CDK13: variants seen among roughly 807,000 people sequenced by gnomAD.
The protein encoded by CDK13 is cyclin dependent kinase 13.
CDK13 carries 40 observed loss-of-function variants against 137.6 expected under a neutral mutation model. The ratio of observed to expected loss-of-function variants is 0.29; its 90% CI spans 0.23 to 0.38. The LOEUF (loss-of-function observed/expected upper bound fraction) is 0.38. Ranked by LOEUF, CDK13 falls within the 10% of genes least tolerant of loss-of-function variation. The pLI, the probability that CDK13 is intolerant of heterozygous loss-of-function variation, is 1.00. For missense variants in CDK13, 1,704 were observed against 1,951.8 expected (o/e 0.87, Z 2.39); for synonymous variants, 869 against 760.1 (o/e 1.14, Z -2.36).
intron 13 of CDK13, among the ~76,000 whole-genome samples, chr7:40,093,920 A>AG (rs1201677914): frequency 7.1e-6 from 1 of 141,690 alleles, no homozygotes. Flanking sequence ...AAAAAAAAAA[A>AG]AAATTTTTTT....
chr7:40,044,329 T>TC (rs921325589), intron 5 of CDK13, among the ~76,000 whole-genome samples: 4 of 151,446 alleles, frequency 2.6e-5, no homozygotes, highest in African/African-American at 9.8e-5. Context: ...TTTTTTTTTT[T>TC]CTTCTTTGAG....
chr7:39,974,753 AG>A (rs1784071031), intron 1 of CDK13, among the ~76,000 whole-genome samples: 1 of 151,938 alleles, frequency 6.6e-6, no homozygotes, highest in Non-Finnish European at 1.5e-5. Flanking sequence ...TAGTAGAAAC[AG>A]GGTTTTGCCA....
intron 7 of CDK13, among the ~76,000 whole-genome samples, chr7:40,053,900 A>G (rs1785952249): frequency 4.6e-5 from 7 of 152,144 alleles, no homozygotes; most frequent in Admixed American, 4.6e-4. Context: ...TATCATTCTT[A>G]TGTACATTTT....
At chr7:40,057,540 G>A (rs1786047677) in intron 7 of CDK13, among the ~76,000 whole-genome samples, 1 of 152,188 alleles carries the variant, frequency 6.6e-6, no homozygotes, top group African/African-American at 2.4e-5. Context: ...CAGTGAGGAT[G>A]GGAAATGTAG....
chr7:40,036,344 C>G (rs1210625896), intron 5 of CDK13, among the ~76,000 whole-genome samples: 2 of 151,916 alleles, frequency 1.3e-5, no homozygotes, highest in Non-Finnish European at 2.9e-5. Context: ...ATTCAAACAT[C>G]TAAAAGTAGA....
intron 9 of CDK13, among the ~76,000 whole-genome samples, chr7:40,065,938 C>G (rs1196406356): frequency 6.6e-6 from 1 of 152,124 alleles, no homozygotes; most frequent in Non-Finnish European, 1.5e-5. Context: ...CCTGTAATCT[C>G]CGCATTTGGG....
At chr7:39,956,621 C>G (rs1051083222) in intron 1 of CDK13, among the ~76,000 whole-genome samples, 1 of 152,164 alleles carries the variant, frequency 6.6e-6, no homozygotes, top group Admixed American at 6.5e-5. Context: ...GTCTAGGTCA[C>G]TTGCCCACCC....
At chr7:39,992,068 T>TACACACACAC (rs1784465338) in intron 2 of CDK13, among the ~76,000 whole-genome samples, 1 of 87,440 alleles carries the variant, frequency 1.1e-5, no homozygotes, top group Admixed American at 1.4e-4. Context: ...AGGAAAAAAT[T>TACACACACAC]ATACACACAC....
At chr7:39,966,657 G>T (rs1240258855) in intron 1 of CDK13, among the ~76,000 whole-genome samples, 1 of 152,198 alleles carries the variant, frequency 6.6e-6, no homozygotes, top group East Asian at 1.9e-4. Context: ...TGCTGGTGAG[G>T]AGCTGCGTTC....
intron 11 of CDK13, 37 bp downstream of exon 11, chr7:40,078,888 T>C: frequency 1.4e-6 from 1 of 729,996 alleles, no homozygotes; most frequent in Non-Finnish European, 1.8e-6. Flanking sequence ...TTATATATTA[T>C]TATTATATTT....
intron 1 of CDK13, among the ~76,000 whole-genome samples, chr7:39,981,915 C>T (rs1056112641): frequency 6.0e-5 from 9 of 150,984 alleles, no homozygotes; most frequent in African/African-American, 2.2e-4. Context: ...CCTCAGCCTC[C>T]CAAATAGCTG....
Position 39,987,742 on chromosome 7 carries a change from A to T in CDK13, c.1355A>T (p.Glu452Val), listed in dbSNP as rs1232497878. 1.1e-5 allele frequency: 18 copies of T among 1,614,176 alleles called. No homozygotes were observed. Among genetic ancestry groups the T allele is most frequent in the Non-Finnish European group, 1.5e-5 (18 of 1,180,042 alleles). The change falls in exon 2 of 14, where the codon GAA becomes GTA. Residue 452 changes from glutamate to valine, a missense_variant. Around this residue, in one of 5 missense-constraint regions of CDK13, gnomAD observed 1,051 missense variants for 931.0 expected, o/e 1.13. Transcript: ENST00000181839. ...ACTCTGAAGAGTAGCCTGGCAGCTGAATTGAACAAGAATAAAAAAGCACGA... is the reference window on the plus strand; with the variant it reads ...ACTCTGAAGAGTAGCCTGGCAGCTGTATTGAACAAGAATAAAAAAGCACGA... ...TLTLKSSLAA[E>V]LNKNKKARAA...
intron 2 of CDK13, among the ~76,000 whole-genome samples, chr7:39,995,409 C>T (rs1331311366): frequency 6.6e-6 from 1 of 152,084 alleles, no homozygotes; most frequent in African/African-American, 2.4e-5. Context: ...CTAAATAGGC[C>T]TATTTTCAGT....
chr7:40,054,044 C>G (rs776937720), intron 7 of CDK13, among the ~76,000 whole-genome samples: 5 of 152,130 alleles, frequency 3.3e-5, no homozygotes, highest in Non-Finnish European at 7.4e-5. Context: ...ACTCTGAATT[C>G]AGCCTTGATT....
chr7:40,017,016 A>G (rs1296630816), intron 5 of CDK13, among the ~76,000 whole-genome samples: 1 of 152,124 alleles, frequency 6.6e-6, no homozygotes, highest in Non-Finnish European at 1.5e-5. Flanking sequence ...AGTTTCCACA[A>G]ATTTTTTGTG....
chr7:39,950,610 C>T lies in CDK13; in HGVS notation c.-32C>T, dbSNP rs1314806142. On this transcript the variant is annotated 5_prime_UTR_variant, in exon 1 of 14. Coordinates refer to ENST00000181839, the MANE Select transcript of CDK13 (RefSeq NM_003718.5). ...GGATCTGACCCGGGAGGAGGCCGCA[C>T]CCGCGCCGCGCTCTGCGGCTGGCTC... is the stretch of plus-strand genomic sequence containing the variant. 4.7e-6 allele frequency: 6 copies of T among 1,289,336 alleles called. No individual in the cohort carries two copies. Among genetic ancestry groups the T allele is most frequent in the African/African-American group, 3.1e-5 (2 of 64,664 alleles). The allele number at this position is 1,289,336 out of a possible 1,614,324, so 79.9% of individuals were successfully genotyped here.
chr7:40,092,643 CTT>C (rs759869690), intron 12 of CDK13, 140 bp from the exon 13 acceptor site: 48 of 626,260 alleles, frequency 7.7e-5, no homozygotes, highest in Non-Finnish European at 1.3e-4. Context: ...TTTAACTAGA[CTT>C]GAGGTTCTCT....
At chr7:40,021,108 T>TACACACACACACACAC (rs1359649785) in intron 5 of CDK13, among the ~76,000 whole-genome samples, 21 of 72,500 alleles carry the variant, frequency 2.9e-4, no homozygotes, top group East Asian at 1.3e-3. Context: ...CAAACGTATA[T>TACACACACACACACAC]ATATATATAT....
intron 7 of CDK13, among the ~76,000 whole-genome samples, chr7:40,057,767 A>G (rs1786053146): frequency 6.6e-6 from 1 of 152,246 alleles, no homozygotes; most frequent in African/African-American, 2.4e-5. Flanking sequence ...AGATGACAGC[A>G]TCAGTTGGGA....
Sources: gnomAD v4.1 joint callset for allele counts (sites outside exome capture counted in the v4.1 genomes callset) on GRCh38, gnomAD v4.1.1 for gene constraint, gnomAD v4.1.1 regional missense constraint, MANE v1.5 for transcripts, NCBI Gene and HGNC (gene_info 2026-07-23, HGNC 2026-07-21) for gene names.